Variants in PRLR observed in about 807,000 individuals in gnomAD.
The protein encoded by PRLR is prolactin receptor, also known as hPRL receptor.
In PRLR, 13 loss-of-function variants were observed where a neutral mutation model predicts 40.2. That is an observed-to-expected ratio of 0.32 (90% confidence interval 0.21 to 0.51). PRLR has a LOEUF of 0.51. PRLR is among the 20% of genes least tolerant of loss of function. The pLI, the probability that PRLR is intolerant of heterozygous loss-of-function variation, is 0.97. For synonymous variants in PRLR, 269 were observed against 278.7 expected, an observed-to-expected ratio of 0.97 and a Z score of 0.35; for missense variants, 656 against 747.3, an observed-to-expected ratio of 0.88 and a Z score of 1.42.
chr5:35,163,930 A>C (rs1187995464), intron 1 of PRLR, among the ~76,000 whole-genome samples: 1 of 152,232 alleles, frequency 6.6e-6, no homozygotes, highest in Non-Finnish European at 1.5e-5. Flanking sequence ...AATGCAACCC[A>C]AGTAAAGGTA....
intron 1 of PRLR, among the ~76,000 whole-genome samples, chr5:35,136,494 G>C (rs1773861981): frequency 6.6e-6 from 1 of 152,208 alleles, no homozygotes; most frequent in Non-Finnish European, 1.5e-5. Context: ...AGTGTCTCCA[G>C]ACATTGCCAA....
At chr5:35,204,213 T>TC (rs1775952753) in intron 1 of PRLR, among the ~76,000 whole-genome samples, 1 of 127,226 alleles carries the variant, frequency 7.9e-6, no homozygotes, top group Non-Finnish European at 1.7e-5. Flanking sequence ...AATTTCTGTC[T>TC]CAAAAAAAAA....
At chr5:35,204,471 G>C (rs1775962656) in intron 1 of PRLR, among the ~76,000 whole-genome samples, 1 of 152,080 alleles carries the variant, frequency 6.6e-6, no homozygotes, top group South Asian at 2.1e-4. Flanking sequence ...CTTAAGAGCT[G>C]TGCTGAAGAT....
intron 1 of PRLR, among the ~76,000 whole-genome samples, chr5:35,141,784 G>A (rs898512621): frequency 1.3e-5 from 2 of 152,034 alleles, no homozygotes; most frequent in African/African-American, 4.8e-5. Flanking sequence ...ATGCTTTAGG[G>A]AGCCTTTCTG....
intron 1 of PRLR, among the ~76,000 whole-genome samples, chr5:35,203,957 C>T (rs1230731385): frequency 6.6e-6 from 1 of 151,612 alleles, no homozygotes; most frequent in Non-Finnish European, 1.5e-5. Context: ...ACAGTAGTCA[C>T]CAAAAAACAA....
At chr5:35,185,303 C>A (rs1199427003) in intron 1 of PRLR, among the ~76,000 whole-genome samples, 1 of 152,172 alleles carries the variant, frequency 6.6e-6, no homozygotes, top group Non-Finnish European at 1.5e-5. Flanking sequence ...TTATTTTATA[C>A]AAGGAATGAA....
At chr5:35,205,136 A>G (rs1428564127) in intron 1 of PRLR, among the ~76,000 whole-genome samples, 1 of 152,052 alleles carries the variant, frequency 6.6e-6, no homozygotes, top group Admixed American at 6.6e-5. Context: ...GCCAAGATTC[A>G]CAGGAAATAT....
At chr5:35,131,297 G>A (rs1014443268) in intron 1 of PRLR, among the ~76,000 whole-genome samples, 1 of 152,164 alleles carries the variant, frequency 6.6e-6, no homozygotes, top group African/African-American at 2.4e-5. Context: ...GTGATGTGCT[G>A]AATCCCTATC....
At chr5:35,200,868 C>G (rs894738380) in intron 1 of PRLR, among the ~76,000 whole-genome samples, 1 of 152,124 alleles carries the variant, frequency 6.6e-6, no homozygotes, top group African/African-American at 2.4e-5. Flanking sequence ...CACAGATGAA[C>G]GGAGGCAGGG....
In PRLR at chr5:35,225,833, C is replaced by G. The variant is rs192016428; in HGVS notation, c.-106+4435G>C. On this transcript the variant is annotated intron_variant, in intron 1 of 9. Coordinates refer to ENST00000618457, the MANE Select transcript of PRLR (RefSeq NM_000949.7). ...AGTAGCTGGGATTACAGGCACCCAC[C>G]ACCATGCCTGCCTAATTTTTGCATT... Among the ~76,000 whole-genome samples, 296 of 152,270 alleles carry G rather than the reference C, an allele frequency of 1.9e-3. 1 individual carries two copies. The highest frequency in any genetic ancestry group is 6.9e-3 in the African/African-American group (288 of 41,562).
intron 2 of PRLR, among the ~76,000 whole-genome samples, chr5:35,108,236 A>T (rs1205260376): frequency 6.6e-6 from 1 of 152,198 alleles, no homozygotes; most frequent in Non-Finnish European, 1.5e-5. Flanking sequence ...AAAAAAGAAG[A>T]GCTATTTATG....
At chr5:35,066,654 C>T (rs1769384355) in intron 9 of PRLR, among the ~76,000 whole-genome samples, 1 of 141,352 alleles carries the variant, frequency 7.1e-6, no homozygotes, top group Non-Finnish European at 1.5e-5. Flanking sequence ...TCTCTTCTCC[C>T]CCTTCATCAC....
intron 1 of PRLR, among the ~76,000 whole-genome samples, chr5:35,171,373 G>A (rs548321064): frequency 2.6e-5 from 4 of 152,244 alleles, no homozygotes; most frequent in Admixed American, 1.3e-4. Flanking sequence ...CCTAAAACTT[G>A]AGCCTGCCCA....
At chr5:35,054,284 A>G (rs746070220), downstream of PRLR, among the ~76,000 whole-genome samples, 4 of 152,220 alleles carry the variant, frequency 2.6e-5, no homozygotes, top group Non-Finnish European at 5.9e-5. Context: ...TGCATTTTAC[A>G]TGACCCAACA....
rs1454856476 is a variant in PRLR at position 35,070,183 on chromosome 5, T to C, written c.626A>G (p.Lys209Arg). The C allele has an allele frequency of 6.2e-7, 1 of 1,614,050 alleles. No homozygotes were observed. The highest frequency in any genetic ancestry group is 2.2e-5 in the East Asian group (1 of 44,886). The change falls in exon 7 of 10, where the codon AAA becomes AGA. Residue 209 changes from lysine to arginine, a missense_variant. By Grantham distance (26) the Lys-to-Arg change is conservative. Coordinates refer to ENST00000618457, the MANE Select transcript of PRLR (RefSeq NM_000949.7). ...GQKYLVQVRCKPDHGYWSAWS... is the reference protein window; with the variant it reads ...GQKYLVQVRCRPDHGYWSAWS... ...TGCACTCCAGTATCCATGGTCTGGTTTGCAGCGAACCTGGACAAGGTATTT... is the reference window on the plus strand; with the variant it reads ...TGCACTCCAGTATCCATGGTCTGGTCTGCAGCGAACCTGGACAAGGTATTT...
At chr5:35,135,942 G>T (rs1019264920) in intron 1 of PRLR, among the ~76,000 whole-genome samples, 3 of 152,146 alleles carry the variant, frequency 2.0e-5, no homozygotes, top group Non-Finnish European at 2.9e-5. Flanking sequence ...GGGAGAGCAG[G>T]ATAATCAGAT....
intron 1 of PRLR, among the ~76,000 whole-genome samples, chr5:35,147,745 A>G (rs1774220252): frequency 6.6e-6 from 1 of 152,230 alleles, no homozygotes; most frequent in African/African-American, 2.4e-5. Context: ...CTTGGTTTAT[A>G]CATGCACAAA....
Position 35,089,568 on chromosome 5 carries a change from T to C in PRLR, c.53A>G (p.Asn18Ser). ...ATVFTLLLFL[N>S]TCLLNGQLPP... ...TTACTTACCATTCAGAAGGCAGGTG[T>C]TGAGAAAAAGTAGCAGAGTGAAAAC... Residue 18 changes from asparagine (N) to serine (S), a missense_variant, in exon 3 of 10, where the codon AAC becomes AGC. Physicochemically the swap from Asn to Ser is conservative, Grantham distance 46. Coordinates refer to ENST00000618457, the MANE Select transcript of PRLR (RefSeq NM_000949.7). 6.2e-7 allele frequency: 1 copy of C among 1,612,900 alleles called. No homozygotes were observed. The highest frequency in any genetic ancestry group is 1.1e-5 in the South Asian group (1 of 91,034).
intron 2 of PRLR, among the ~76,000 whole-genome samples, chr5:35,115,801 CAATT>C (rs1772980990): frequency 6.6e-6 from 1 of 151,972 alleles, no homozygotes; most frequent in African/African-American, 2.4e-5. Context: ...GGAAAGTTAA[CAATT>C]AAGTTAGAGA....
Sources: allele counts gnomAD v4.1 joint callset (sites outside exome capture counted in the v4.1 genomes callset), GRCh38; gene constraint gnomAD v4.1.1; transcripts MANE v1.5; gene names NCBI Gene and HGNC (gene_info 2026-07-23, HGNC 2026-07-21).